ARHGAP17: variants seen among roughly 807,000 people sequenced by gnomAD.
ARHGAP17 encodes the protein rho GTPase-activating protein 17.
ARHGAP17 carries 57 observed loss-of-function variants against 99.5 expected under a neutral mutation model. That is an observed-to-expected ratio of 0.57 (90% confidence interval 0.46 to 0.71). The LOEUF (loss-of-function observed/expected upper bound fraction) is 0.71, where lower values mean the gene tolerates loss of function less well. ARHGAP17 is among the 30% of genes least tolerant of loss of function. The pLI is 0.00. For synonymous variants in ARHGAP17, 417 were observed against 429.6 expected (o/e 0.97, Z 0.36); for missense variants, 1,000 against 1,122.4 (o/e 0.89, Z 1.56).
At chr16:24,977,384 T>C (rs1391900697) in intron 2 of ARHGAP17, 65 bp from the exon 3 acceptor site, 3 of 1,350,934 alleles carry the variant, frequency 2.2e-6, no homozygotes, top group African/African-American at 2.9e-5. Context: ...TGCATGCTGG[T>C]AGGAAAAGCA....
chr16:24,938,127 C>CAAGGCAGGGG (rs2051192071), intron 17 of ARHGAP17, among the ~76,000 whole-genome samples: 1 of 152,108 alleles, frequency 6.6e-6, no homozygotes, highest in South Asian at 2.1e-4. Context: ...TTTGGGAGGC[C>CAAGGCAGGGG]AAGGCAGGGG....
intron 17 of ARHGAP17, 120 bp from the exon 18 acceptor site, chr16:24,935,759 C>T: frequency 9.1e-7 from 1 of 1,093,950 alleles, no homozygotes; most frequent in Non-Finnish European, 1.4e-6. Flanking sequence ...GGAAAAGGAT[C>T]TGAAATTCTA....
At chr16:24,975,911 A>G (rs2052499689) in intron 3 of ARHGAP17, among the ~76,000 whole-genome samples, 3 of 152,168 alleles carry the variant, frequency 2.0e-5, no homozygotes, top group Admixed American at 6.5e-5. Context: ...ACCTTGGAAA[A>G]GACACCGGAT....
At chr16:24,979,661 C>T (rs959554295) in intron 1 of ARHGAP17, among the ~76,000 whole-genome samples, 1 of 152,008 alleles carries the variant, frequency 6.6e-6, no homozygotes, top group Non-Finnish European at 1.5e-5. Context: ...GGGGGCATTC[C>T]GAGCTGGCGG....
intron 13 of ARHGAP17, 113 bp downstream of exon 13, chr16:24,949,291 T>G (rs550746301): frequency 4.4e-5 from 33 of 755,082 alleles, no homozygotes; most frequent in South Asian, 3.3e-4. Flanking sequence ...TGTGGTTTTT[T>G]TTGTTGTTGT....
At chr16:24,968,937 A>G (rs1280922643) in intron 4 of ARHGAP17, among the ~76,000 whole-genome samples, 165 bp from the exon 5 acceptor site, 2 of 152,200 alleles carry the variant, frequency 1.3e-5, no homozygotes, top group African/African-American at 2.4e-5. Flanking sequence ...ACATGAGTCC[A>G]CAGATTTGTG....
At chr16:24,986,513 T>C (rs1050076408) in intron 1 of ARHGAP17, among the ~76,000 whole-genome samples, 2 of 152,224 alleles carry the variant, frequency 1.3e-5, no homozygotes, top group African/African-American at 4.8e-5. Context: ...TGGTAACACA[T>C]GAAAATTTTA....
chr16:25,015,364 T>TGGCTCCCCGGGCCGGCGGC lies in ARHGAP17; in HGVS notation c.-104_-103insGCCGCCGGCCCGGGGAGCC. The TGGCTCCCCGGGCCGGCGGC allele has an allele frequency of 9.2e-7, 1 of 1,086,640 alleles. No individual in the cohort carries two copies. Among genetic ancestry groups the TGGCTCCCCGGGCCGGCGGC allele is most frequent in the Non-Finnish European group, 1.2e-6 (1 of 864,428 alleles). The allele number at this position is 1,086,640 out of a possible 1,614,324, so 67.3% of individuals were successfully genotyped here. ...CCCGGCCCAAACGGCGGCGCGGCGG[T>TGGCTCCCCGGGCCGGCGGC]GGCTCCCCGGGCCGGCGGCCCCGCC... On this transcript the variant is annotated 5_prime_UTR_variant, in exon 1 of 20. Transcript: ENST00000289968.
chr16:24,993,171 T>A (rs185233782), intron 1 of ARHGAP17, among the ~76,000 whole-genome samples: 162 of 151,914 alleles, frequency 1.1e-3, no homozygotes, highest in African/African-American at 3.7e-3. Flanking sequence ...TACTAAAATT[T>A]AAAAAAAAAT....
intron 1 of ARHGAP17, among the ~76,000 whole-genome samples, chr16:24,992,092 G>A (rs990643208): frequency 1.3e-5 from 2 of 152,164 alleles, no homozygotes; most frequent in African/African-American, 4.8e-5. Context: ...GTACAGAACA[G>A]GAGGTGGAGA....
At chr16:24,953,181 C>A (rs992143832) in intron 10 of ARHGAP17, 139 bp from the exon 11 acceptor site, 4 of 723,522 alleles carry the variant, frequency 5.5e-6, no homozygotes, top group Non-Finnish European at 9.3e-6. Flanking sequence ...CCCTGCAGGG[C>A]TGTCAGGAGG....
intron 6 of ARHGAP17, 142 bp downstream of exon 6, chr16:24,968,209 T>C (rs1307970591): frequency 2.5e-6 from 2 of 810,394 alleles, no homozygotes; most frequent in East Asian, 2.6e-5. Context: ...ACAAGGCCTA[T>C]AGGAGGTGCT....
chr16:24,987,742 C>T (rs1354196541), intron 1 of ARHGAP17, among the ~76,000 whole-genome samples: 6 of 152,156 alleles, frequency 3.9e-5, no homozygotes, highest in Admixed American at 3.9e-4. Flanking sequence ...CATGAGAGAT[C>T]ACTGTTCTGC....
At chr16:24,971,344 T>C (rs1353642945) in intron 3 of ARHGAP17, among the ~76,000 whole-genome samples, 1 of 151,826 alleles carries the variant, frequency 6.6e-6, no homozygotes, top group African/African-American at 2.4e-5. Flanking sequence ...TTTTTTTTTT[T>C]TTTGAGGCAG....
intron 1 of ARHGAP17, among the ~76,000 whole-genome samples, chr16:24,988,669 G>A (rs574697534): frequency 6.6e-6 from 1 of 152,244 alleles, no homozygotes; most frequent in Admixed American, 6.5e-5. Context: ...TCCTGCACAT[G>A]TAAGCTTACC....
At chr16:25,011,338 C>G (rs1280546603) in intron 1 of ARHGAP17, among the ~76,000 whole-genome samples, 1 of 152,132 alleles carries the variant, frequency 6.6e-6, no homozygotes, top group Non-Finnish European at 1.5e-5. Context: ...ACAGTGACTG[C>G]GAGATGAGTA....
chr16:24,982,980 ATATATATATATATATATTTTTTT>A (rs1159443821), intron 1 of ARHGAP17, among the ~76,000 whole-genome samples: 1 of 16,882 alleles, frequency 5.9e-5, no homozygotes, highest in Non-Finnish European at 1.1e-4. Flanking sequence ...ATATATATAT[ATATATATATATATATATTTTTTT>A]TTTTTTTTTT....
chr16:24,920,108 G>A lies in ARHGAP17; in HGVS notation c.*22C>T, dbSNP rs1198884287. Reference sequence around the variant, plus strand: ...TCCACTCGCCAGGGTGGAAGTGGTGGAGGGCTGGGAAAGGGCTTTCTTCAC... The same window carrying A: ...TCCACTCGCCAGGGTGGAAGTGGTGAAGGGCTGGGAAAGGGCTTTCTTCAC... On this transcript the variant is annotated 3_prime_UTR_variant, in exon 20 of 20. Transcript: ENST00000289968. 4 of 1,609,158 alleles carry A rather than the reference G, an allele frequency of 2.5e-6. No individual in the cohort carries two copies. The highest frequency in any genetic ancestry group is 2.5e-6 in the Non-Finnish European group (3 of 1,176,492).
Position 24,977,302 on chromosome 16 carries a change from G to C in ARHGAP17, c.111C>G (p.Asp37Glu), listed in dbSNP as rs929895490. The C allele has an allele frequency of 1.3e-6, 2 of 1,587,258 alleles. No homozygotes were observed. The highest frequency in any genetic ancestry group is 8.6e-7 in the Non-Finnish European group (1 of 1,160,982). ...EDLLQIERRL[D>E]TVRSICHHSH... ...AATGGTGGCATATTGACCGCACCGT[G>C]TCCAGGCGTCTCTCAATCTGACAAG... The change falls in exon 3 of 20, where the codon GAC becomes GAG. Residue 37 changes from aspartate (D) to glutamate (E), a missense_variant. Asp to Glu is a conservative substitution (Grantham distance 45, BLOSUM62 2). Transcript: ENST00000289968.
Sources: gnomAD v4.1 joint callset for allele counts (sites outside exome capture counted in the v4.1 genomes callset) on GRCh38, gnomAD v4.1.1 for gene constraint, MANE v1.5 for transcripts, NCBI Gene and HGNC (gene_info 2026-07-23, HGNC 2026-07-21) for gene names.